Variants in ARGLU1 observed in about 807,000 individuals in gnomAD.
The protein encoded by ARGLU1 is arginine and glutamate rich 1.
ARGLU1 carries 9 observed loss-of-function variants against 37.6 expected under a neutral mutation model. That is an observed-to-expected ratio of 0.24 (90% CI 0.14 to 0.42). The LOEUF is 0.42. ARGLU1 is among the 10% of genes least tolerant of loss of function. The probability of loss-of-function intolerance (pLI) is 1.00; values close to 1 mark genes in which losing one functional copy is unlikely to be tolerated. For synonymous variants in ARGLU1, 166 were observed against 138.5 expected (o/e 1.20, Z -1.39); for missense variants, 211 against 359.2 (o/e 0.59, Z 3.34).
chr13:106,564,954 AT>A (rs1293827668), intron 1 of ARGLU1, among the ~76,000 whole-genome samples: 61 of 152,198 alleles, frequency 4.0e-4, no homozygotes, highest in Admixed American at 4.0e-3. Context: ...GAGAACCAAC[AT>A]TCTTTTTCTG....
intron 3 of ARGLU1, among the ~76,000 whole-genome samples, chr13:106,552,686 T>C (rs993954140): frequency 3.9e-5 from 6 of 152,184 alleles, no homozygotes; most frequent in African/African-American, 1.4e-4. Flanking sequence ...TTCAAAAAAT[T>C]TTAAGCATTA....
Position 106,541,812 on chromosome 13 carries a change from T to C in ARGLU1, c.*2184A>G, listed in dbSNP as rs1880265788. The C allele has an allele frequency of 2.0e-5, 3 of 152,168 alleles. No homozygotes were observed. Among genetic ancestry groups the C allele is most frequent in the Admixed American group, 1.3e-4 (2 of 15,270 alleles). The allele number at this position is 152,168 out of a possible 1,614,324, so 9.4% of individuals were successfully genotyped here. A position where few individuals can be genotyped will look rare whatever the true frequency, so the allele number is the denominator to read the frequency against. ...ATAACCTAAAAAAACAAATTGTGAA[T>C]AAAGGCATATTTAATAAATTAGGGA... On this transcript the variant is annotated 3_prime_UTR_variant, in exon 4 of 4. Transcript: ENST00000400198.
At position 106,542,075 on chromosome 13, in the gene ARGLU1, G is replaced by A. The variant is rs1880277331; in HGVS notation, c.*1921C>T. On this transcript the variant is annotated 3_prime_UTR_variant, in exon 4 of 4. Coordinates refer to ENST00000400198, the MANE Select transcript of ARGLU1 (RefSeq NM_018011.4). The stretch of plus-strand genomic sequence containing the variant: ...CTCCAAAAGCAAGCAGATACTGCAG[G>A]ATGTCATTAAGCAACTTACTGTCAC... 2 of 151,950 alleles carry A rather than the reference G, an allele frequency of 1.3e-5. No individual in the cohort carries two copies. The highest frequency in any genetic ancestry group is 2.4e-5 in the African/African-American group (1 of 41,354). 9.4% of individuals were successfully genotyped at this position (151,950 alleles called of 1,614,324 possible).
rs1454027234 is a variant in ARGLU1 at position 106,542,174 on chromosome 13, T to G, written c.*1822A>C. The G allele has an allele frequency of 6.6e-6, 1 of 152,154 alleles. No homozygotes were observed. Among genetic ancestry groups the G allele is most frequent in the Non-Finnish European group, 1.5e-5 (1 of 68,014 alleles). 9.4% of individuals were successfully genotyped at this position (152,154 alleles called of 1,614,324 possible). ...ACGCATAAGCTGATTTCAAATATTT[T>G]AAGTCCAGGCTACTCTCTTTAGATA... On this transcript the variant is annotated 3_prime_UTR_variant, in exon 4 of 4. Transcript: ENST00000400198.
chr13:106,557,011 A>AAATAC lies in ARGLU1; in HGVS notation c.657+32_657+36dup, dbSNP rs760039529. ...AAATCCGAAAAAAGGAAATAAAGCAAAATACAAAACACTTTTCATGTATGC... is the reference window on the plus strand; with the variant it reads ...AAATCCGAAAAAAGGAAATAAAGCAAAATACAATACAAAACACTTTTCATGTATGC... On this transcript the variant is annotated intron_variant, in intron 3 of 3. Transcript: ENST00000400198. This position sits in a 1 kb window ranked among gnomAD's most constrained non-coding sequence, Gnocchi z 5.0. 1.9e-6 allele frequency: 3 copies of AAATAC among 1,563,572 alleles called. No individual in the cohort carries two copies. The South Asian group carries it at 3.4e-5, about 18-fold the overall frequency.
chr13:106,548,605 AC>A (rs1193030711), intron 3 of ARGLU1, among the ~76,000 whole-genome samples: 2 of 152,086 alleles, frequency 1.3e-5, no homozygotes, highest in Non-Finnish European at 2.9e-5. Context: ...TATGCCCATA[AC>A]CCTGTTCAAT....
At chr13:106,564,018 G>A (rs1281937116) in intron 1 of ARGLU1, among the ~76,000 whole-genome samples, 1 of 152,182 alleles carries the variant, frequency 6.6e-6, no homozygotes, top group Non-Finnish European at 1.5e-5. Context: ...TCTCAAAAGA[G>A]CATTTAAGAA....
chr13:106,558,692 T>G (rs1880719446), intron 2 of ARGLU1: 1 of 985,342 alleles, frequency 1.0e-6, no homozygotes, highest in South Asian at 4.7e-5. Flanking sequence ...CTCCAGCTGC[T>G]GATAAAACAA....
chr13:106,567,653 C>T lies in ARGLU1; in HGVS notation c.267G>A (p.Val89=). The T allele has an allele frequency of 1.9e-6, 3 of 1,613,632 alleles. No homozygotes were observed. The highest frequency in any genetic ancestry group is 1.7e-6 in the Non-Finnish European group (2 of 1,179,712). The part of the protein sequence containing the change: ...PDRIDIFGRT[V]SKRSSLDEKQ... ...TCTCGTCCAGGCTGCTGCGCTTGCTCACCGTGCGCCCGAAGATGTCGATGC... is the reference window on the plus strand; with the variant it reads ...TCTCGTCCAGGCTGCTGCGCTTGCTTACCGTGCGCCCGAAGATGTCGATGC... The change falls in exon 1 of 4, where the codon GTG becomes GTA. Residue 89 remains valine, a synonymous_variant. Transcript: ENST00000400198. This position sits in a 1 kb window ranked among gnomAD's most constrained non-coding sequence, Gnocchi z 4.3.
Position 106,567,550 on chromosome 13 carries a change from T to G in ARGLU1, c.347+23A>C. On this transcript the variant is annotated intron_variant, in intron 1 of 3. Transcript: ENST00000400198. The surrounding 1 kb of genome is among the most constrained non-coding windows in gnomAD (Gnocchi z 4.3). ...GCGCCCTGCTCTCCGCACGCCCCGG[T>G]CCCTCCCCGCGCGGGCACTCACATT... 1 of 1,526,688 alleles carries G rather than the reference T, an allele frequency of 6.6e-7. No individual in the cohort carries two copies. The highest frequency in any genetic ancestry group is 9.1e-7 in the Non-Finnish European group (1 of 1,101,338). 94.6% of individuals were successfully genotyped at this position (1,526,688 alleles called of 1,614,324 possible).
rs139460072 is a variant in ARGLU1 at position 106,547,699 on chromosome 13, T to G, written c.658-3539A>C. ...ATTTGTATCTGCCTGAATATGCTTTTACAGACATTCTGAAAAGATTTTAAA... is the reference window on the plus strand; with the variant it reads ...ATTTGTATCTGCCTGAATATGCTTTGACAGACATTCTGAAAAGATTTTAAA... On this transcript the variant is annotated intron_variant, in intron 3 of 3. Transcript: ENST00000400198. 2.6e-3 allele frequency among the ~76,000 whole-genome samples: 392 copies of G among 152,314 alleles called. 1 individual carries two copies. Among genetic ancestry groups the G allele is most frequent in the Admixed American group, 4.0e-3 (61 of 15,302 alleles).
At chr13:106,555,408 T>A (rs1181772901) in intron 3 of ARGLU1, among the ~76,000 whole-genome samples, 1 of 152,078 alleles carries the variant, frequency 6.6e-6, no homozygotes, top group African/African-American at 2.4e-5. Context: ...CAAATCTAAA[T>A]CTGTATGATC....
intron 3 of ARGLU1, among the ~76,000 whole-genome samples, chr13:106,553,383 G>A (rs956012504): frequency 2.0e-5 from 3 of 152,068 alleles, no homozygotes; most frequent in Non-Finnish European, 2.9e-5. Context: ...CAACAACTTG[G>A]ACATTTCTAT....
intron 1 of ARGLU1, among the ~76,000 whole-genome samples, chr13:106,562,762 C>G (rs1375258792): frequency 6.6e-6 from 1 of 151,710 alleles, no homozygotes; most frequent in African/African-American, 2.4e-5. Context: ...GAGGCCCAGG[C>G]AGGTGGATCA....
chr13:106,550,528 T>C (rs1301766949), intron 3 of ARGLU1, among the ~76,000 whole-genome samples: 2 of 152,240 alleles, frequency 1.3e-5, no homozygotes, highest in East Asian at 1.9e-4. Context: ...TTATTTTTCC[T>C]AAGTATTGTA....
intron 3 of ARGLU1, among the ~76,000 whole-genome samples, chr13:106,544,668 A>G (rs1022768370): frequency 6.6e-6 from 1 of 152,142 alleles, no homozygotes; most frequent in East Asian, 1.9e-4. Context: ...TTATCTACCA[A>G]TTGCCATATT....
chr13:106,555,417 T>G (rs149004412), intron 3 of ARGLU1, among the ~76,000 whole-genome samples: 519 of 152,250 alleles, frequency 3.4e-3, no homozygotes, highest in Admixed American at 8.4e-3. Context: ...ATCTGTATGA[T>G]CTAGAAAAGT....
intron 3 of ARGLU1, among the ~76,000 whole-genome samples, chr13:106,546,122 T>C (rs1355752658): frequency 6.6e-6 from 1 of 152,220 alleles, no homozygotes; most frequent in Non-Finnish European, 1.5e-5. Flanking sequence ...CTAGAGTTTA[T>C]TTTCATTTCT....
rs1165993735 is a variant in ARGLU1, at chr13:106,567,607, C to T, written c.313G>A (p.Glu105Lys). 3 of 1,610,228 alleles carry T rather than the reference C, an allele frequency of 1.9e-6. No individual in the cohort carries two copies. Among genetic ancestry groups the T allele is most frequent in the African/African-American group, 1.3e-5 (1 of 74,752 alleles). The change falls in exon 1 of 4, where the codon GAG becomes AAG. Residue 105 changes from glutamate (E) to lysine (K), a missense_variant. By Grantham distance (56) the Glu-to-Lys change is moderately conservative. Transcript: ENST00000400198. The surrounding 1 kb of genome is among the most constrained non-coding windows in gnomAD (Gnocchi z 4.3). The part of the protein sequence containing the change: ...LDEKQKREEE[E>K]KKAEFERQRK... Reference sequence around the variant, plus strand: ...TGCCGCTCGAACTCCGCTTTCTTCTCCTCCTCCTCTCGCTTCTGCTTCTCG... The same window carrying T: ...TGCCGCTCGAACTCCGCTTTCTTCTTCTCCTCCTCTCGCTTCTGCTTCTCG...
Sources: allele counts gnomAD v4.1 joint callset (sites outside exome capture counted in the v4.1 genomes callset), GRCh38; gene constraint gnomAD v4.1.1; non-coding constraint Gnocchi (gnomAD v3.1); transcripts MANE v1.5; gene names NCBI Gene and HGNC (gene_info 2026-07-23, HGNC 2026-07-21).